Variants in NEMP2 observed in about 807,000 individuals in gnomAD.
The protein encoded by NEMP2 is nuclear envelope integral membrane protein 2.
A neutral mutation model predicts 54.2 loss-of-function variants in NEMP2; 53 were observed. That is an observed-to-expected ratio of 0.98 (90% CI 0.78 to 1.23). The LOEUF (loss-of-function observed/expected upper bound fraction) is 1.23. Ranked by LOEUF, NEMP2 falls within the 50% of genes most tolerant of loss-of-function variation. The probability of loss-of-function intolerance (pLI) is 0.00; values close to 1 mark genes in which losing one functional copy is unlikely to be tolerated. For missense variants in NEMP2, 455 were observed against 511.3 expected, an observed-to-expected ratio of 0.89 and a Z score of 1.06; for synonymous variants, 197 against 190.3, an observed-to-expected ratio of 1.04 and a Z score of -0.29.
chr2:190,610,075 G>A, the NEMP2 span: 1 of 152,096 alleles, frequency 6.6e-6, no homozygotes, highest in Non-Finnish European at 1.5e-5. This position sits in a 1 kb window ranked among gnomAD's most constrained non-coding sequence, Gnocchi z 5.4. Flanking sequence ...GAGACCTGTA[G>A]CCAAAAAATT....
At chr2:190,472,276 A>C in the NEMP2 span, among the ~76,000 whole-genome samples, 1 of 152,210 alleles carries the variant, frequency 6.6e-6, no homozygotes, top group African/African-American at 2.4e-5. Context: ...GCTTCAGACG[A>C]TCAAACTACT....
the NEMP2 span, among the ~76,000 whole-genome samples, chr2:190,556,088 G>A: frequency 6.6e-6 from 1 of 152,194 alleles, no homozygotes; most frequent in Non-Finnish European, 1.5e-5. Context: ...ATAAAATACT[G>A]TCAACCCAAA....
At chr2:190,598,851 C>G in the NEMP2 span, among the ~76,000 whole-genome samples, 1 of 152,170 alleles carries the variant, frequency 6.6e-6, no homozygotes, top group African/African-American at 2.4e-5. Context: ...GAGTGACTAA[C>G]GTTAATATAC....
At chr2:190,551,166 C>G in the NEMP2 span, among the ~76,000 whole-genome samples, 1 of 150,524 alleles carries the variant, frequency 6.6e-6, no homozygotes, top group Non-Finnish European at 1.5e-5. Context: ...TTCTCAGCTA[C>G]ATAGTGTGCT....
chr2:190,475,463 T>A, the NEMP2 span, among the ~76,000 whole-genome samples: 1 of 152,172 alleles, frequency 6.6e-6, no homozygotes, highest in Non-Finnish European at 1.5e-5. Context: ...CATTCACAAT[T>A]GCTTCAAAGA....
At chr2:190,554,137 T>C in the NEMP2 span, among the ~76,000 whole-genome samples, 1 of 152,154 alleles carries the variant, frequency 6.6e-6, no homozygotes. This position sits in a 1 kb window ranked among gnomAD's most constrained non-coding sequence, Gnocchi z 5.7. Flanking sequence ...ATACTGCGCT[T>C]TTCCCACAGT....
downstream of NEMP2, chr2:190,499,841 G>A (rs1268953058): frequency 3.2e-6 from 5 of 1,544,880 alleles, no homozygotes; most frequent in South Asian, 2.4e-5. This position sits in a 1 kb window ranked among gnomAD's most constrained non-coding sequence, Gnocchi z 6.0. Flanking sequence ...GTTGCACATA[G>A]GAAAGGAGAT....
chr2:190,504,797 GA>G lies in NEMP2; in HGVS notation c.*4391del, dbSNP rs1284594903. On this transcript the variant is annotated 3_prime_UTR_variant, in exon 9 of 9. Transcript: ENST00000409150. The surrounding 1 kb of genome is among the most constrained non-coding windows in gnomAD (Gnocchi z 5.6). ...TCCTGAAAAGATCACTGGCATCTTA[GA>G]AAAATAACATGTAGACCAGTGCTAC... 6.6e-6 allele frequency: 1 copy of G among 152,078 alleles called. No homozygotes were observed. Among genetic ancestry groups the G allele is most frequent in the Non-Finnish European group, 1.5e-5 (1 of 68,016 alleles). The allele number at this position is 152,078 out of a possible 1,614,324, so 9.4% of individuals were successfully genotyped here.
chr2:190,546,003 A>G, the NEMP2 span, among the ~76,000 whole-genome samples: 2 of 152,202 alleles, frequency 1.3e-5, no homozygotes, highest in Non-Finnish European at 1.5e-5. The surrounding 1 kb of genome is among the most constrained non-coding windows in gnomAD (Gnocchi z 5.1). Flanking sequence ...TATAATCTAG[A>G]TACTCCTAGT....
the NEMP2 span, among the ~76,000 whole-genome samples, chr2:190,588,359 CT>C: frequency 2.0e-5 from 3 of 152,154 alleles, no homozygotes; most frequent in Non-Finnish European, 4.4e-5. The surrounding 1 kb of genome is among the most constrained non-coding windows in gnomAD (Gnocchi z 5.0). Context: ...GTCTCTTTCT[CT>C]TTCTTCCCCT....
At position 190,517,562 on chromosome 2, in the gene NEMP2, T is replaced by C. The variant is rs1046340924; in HGVS notation, c.570A>G (p.Thr190=). The change falls in exon 5 of 9, where the codon ACA becomes ACG. Residue 190 remains threonine, a synonymous_variant. Coordinates refer to ENST00000409150, the MANE Select transcript of NEMP2 (RefSeq NM_001142645.2). ...TCACCAACAGCAAGACAAAGACTAA[T>C]GTCATTAGAACACCTAGCACAGTTC... is the stretch of plus-strand genomic sequence containing the variant. ...SSGTVLGVLM[T]LVFVLLLVKR... is the part of the protein sequence containing the mutation. The C allele has an allele frequency of 5.2e-6, 8 of 1,550,984 alleles. No individual in the cohort carries two copies. In the African/African-American group the frequency reaches 9.6e-5, roughly 19 times the overall value.
the NEMP2 span, among the ~76,000 whole-genome samples, chr2:190,642,755 C>A: frequency 6.6e-6 from 1 of 152,012 alleles, no homozygotes; most frequent in Non-Finnish European, 1.5e-5. This position sits in a 1 kb window ranked among gnomAD's most constrained non-coding sequence, Gnocchi z 4.1. Context: ...TGTTCTGAGG[C>A]AATAATAGAC....
At chr2:190,534,403 C>A in intron 1 of NEMP2, 156 bp downstream of exon 1, 1 of 1,211,840 alleles carries the variant, frequency 8.3e-7, no homozygotes, top group Non-Finnish European at 1.0e-6. Context: ...GAAGGGCGGG[C>A]GGGGCCTGCC....
rs1052180438 is a variant in NEMP2 at position 190,505,547 on chromosome 2, C to T, written c.*3642G>A. The T allele has an allele frequency of 2.6e-5, 4 of 152,194 alleles. No individual in the cohort carries two copies. The highest frequency in any genetic ancestry group is 5.9e-5 in the Non-Finnish European group (4 of 68,024). 9.4% of individuals were successfully genotyped at this position (152,194 alleles called of 1,614,324 possible). ...ATTTAAATAATAGAGAAGCTACCCA[C>T]TAACTGTATCTTCCAAGATTTATAT... is the stretch of plus-strand genomic sequence containing the variant. On this transcript the variant is annotated 3_prime_UTR_variant, in exon 9 of 9. Transcript: ENST00000409150. This position sits in a 1 kb window ranked among gnomAD's most constrained non-coding sequence, Gnocchi z 5.8.
the NEMP2 span, among the ~76,000 whole-genome samples, chr2:190,644,066 G>C: frequency 6.6e-6 from 1 of 152,068 alleles, no homozygotes; most frequent in Admixed American, 6.6e-5. The surrounding 1 kb of genome is among the most constrained non-coding windows in gnomAD (Gnocchi z 4.4). Flanking sequence ...TGCCTCAATG[G>C]AAGATAACCA....
At chr2:190,571,011 T>G in the NEMP2 span, among the ~76,000 whole-genome samples, 1 of 152,190 alleles carries the variant, frequency 6.6e-6, no homozygotes. Flanking sequence ...ATTTAGGCAC[T>G]GTGGATAGAG....
At chr2:190,434,648 G>C in the NEMP2 span, among the ~76,000 whole-genome samples, 7 of 152,106 alleles carry the variant, frequency 4.6e-5, no homozygotes, top group African/African-American at 1.7e-4. The surrounding 1 kb of genome is among the most constrained non-coding windows in gnomAD (Gnocchi z 4.3). Flanking sequence ...TGGCCAGGAT[G>C]GTCTCAATCT....
intron 1 of NEMP2, chr2:190,534,025 G>C (rs1426833840): frequency 1.0e-6 from 1 of 980,428 alleles, no homozygotes; most frequent in African/African-American, 1.8e-5. Context: ...CCGCTCACGT[G>C]GGACCGTTAT....
the NEMP2 span, among the ~76,000 whole-genome samples, chr2:190,570,269 A>G: frequency 1.3e-5 from 2 of 152,250 alleles, no homozygotes; most frequent in African/African-American, 4.8e-5. The surrounding 1 kb of genome is among the most constrained non-coding windows in gnomAD (Gnocchi z 5.4). Context: ...ATATCTTTAA[A>G]TGAGTTTTTG....
Sources: gnomAD v4.1 joint callset for allele counts (sites outside exome capture counted in the v4.1 genomes callset) on GRCh38, gnomAD v4.1.1 for gene constraint, Gnocchi (gnomAD v3.1) non-coding constraint, MANE v1.5 for transcripts, NCBI Gene and HGNC (gene_info 2026-07-23, HGNC 2026-07-21) for gene names.